Variants in DTNA observed in about 807,000 individuals in gnomAD.
The protein encoded by DTNA is dystrobrevin alpha, also known as dystrophin-related protein 3.
Under a neutral mutation model 100.7 loss-of-function variants are expected in DTNA, and 43 were observed. The observed-to-expected ratio is 0.43, with a 90% CI of 0.33 to 0.55. The LOEUF is 0.55. DTNA is among the 20% of genes least tolerant of loss of function. DTNA has a pLI of 0.04. For synonymous variants in DTNA, 349 were observed against 347.9 expected, an observed-to-expected ratio of 1.00 and a Z score of -0.04; for missense variants, 798 against 953.9, an observed-to-expected ratio of 0.84 and a Z score of 2.15.
At chr18:34,875,895 C>T (rs917625887) in intron 18 of DTNA, among the ~76,000 whole-genome samples, 2 of 152,184 alleles carry the variant, frequency 1.3e-5, no homozygotes, top group Non-Finnish European at 2.9e-5. Flanking sequence ...AGGGTTAAGC[C>T]TCTGCAGTTA....
chr18:34,866,593 T>G, intron 17 of DTNA: 1 of 1,011,870 alleles, frequency 9.9e-7, no homozygotes, highest in Non-Finnish European at 1.2e-6. Flanking sequence ...TTCATTTTAC[T>G]GAAAACCTGT....
chr18:34,665,877 A>T (rs2144753348), intron 1 of DTNA, among the ~76,000 whole-genome samples: 1 of 152,302 alleles, frequency 6.6e-6, no homozygotes, highest in South Asian at 2.1e-4. Flanking sequence ...GTGCTGCAAT[A>T]AACATACGTG....
In DTNA at chr18:34,532,371, C is replaced by G. The variant is rs1229548155; in HGVS notation, c.-2+38857C>G. On this transcript the variant is annotated intron_variant, in intron 1 of 19. Transcript: ENST00000283365. ...GAAAAAATGTGCTGGTGCTTGGGCT[C>G]TTTTGTGGAACTGTAAAAAGACAAG... Among the ~76,000 whole-genome samples the G allele has an allele frequency of 2.0e-5, 3 of 152,032 alleles. No homozygotes were observed. The East Asian group carries it at 5.8e-4, about 29-fold the overall frequency.
chr18:34,678,091 C>A (rs1353215208), intron 1 of DTNA, among the ~76,000 whole-genome samples: 1 of 152,094 alleles, frequency 6.6e-6, no homozygotes, highest in East Asian at 1.9e-4. Context: ...CCTATACTAT[C>A]ACAAGAACAG....
intron 1 of DTNA, among the ~76,000 whole-genome samples, chr18:34,524,762 TAA>T (rs202231288): frequency 2.8e-4 from 42 of 151,374 alleles, no homozygotes; most frequent in African/African-American, 1.0e-3. Context: ...GATTTTTTTT[TAA>T]AAAAAAGGTT....
chr18:34,864,289 C>A (rs1448430830), intron 17 of DTNA, among the ~76,000 whole-genome samples: 1 of 136,094 alleles, frequency 7.3e-6, no homozygotes, highest in African/African-American at 2.8e-5. Flanking sequence ...CTTGCTCTGT[C>A]GCCCAGGCTG....
intron 3 of DTNA, among the ~76,000 whole-genome samples, chr18:34,783,773 A>T (rs1244062218): frequency 1.3e-5 from 2 of 152,216 alleles, no homozygotes; most frequent in Non-Finnish European, 2.9e-5. Flanking sequence ...ACCCTGGAAA[A>T]GCATACCATT....
At chr18:34,692,112 C>T (rs1481786510) in intron 1 of DTNA, among the ~76,000 whole-genome samples, 2 of 152,152 alleles carry the variant, frequency 1.3e-5, no homozygotes, top group Non-Finnish European at 2.9e-5. Context: ...CTTTGAAGTT[C>T]CTATACCAAG....
chr18:34,590,369 A>G (rs995485432), intron 1 of DTNA, among the ~76,000 whole-genome samples: 2 of 152,220 alleles, frequency 1.3e-5, no homozygotes, highest in Non-Finnish European at 2.9e-5. Flanking sequence ...TAAAAAGTAT[A>G]TGCTTTTAAA....
At chr18:34,848,611 A>G (rs2096423001) in intron 14 of DTNA, among the ~76,000 whole-genome samples, 1 of 152,140 alleles carries the variant, frequency 6.6e-6, no homozygotes, top group African/African-American at 2.4e-5. Context: ...CCTGGAGTCA[A>G]GCTGGAATCC....
chr18:34,586,481 C>T (rs1055710000), intron 1 of DTNA, among the ~76,000 whole-genome samples: 1 of 152,044 alleles, frequency 6.6e-6, no homozygotes, highest in Non-Finnish European at 1.5e-5. Flanking sequence ...ATGAGTTCCT[C>T]ACCAGATGCA....
intron 8 of DTNA, among the ~76,000 whole-genome samples, chr18:34,819,875 C>T (rs1424742521): frequency 6.6e-6 from 1 of 151,862 alleles, no homozygotes; most frequent in South Asian, 2.1e-4. Context: ...CAATTATGGA[C>T]TCTAGGTATA....
In DTNA at chr18:34,889,105, ATCT is replaced by A. The variant is rs2096947804; in HGVS notation, c.*1375_*1377del. On this transcript the variant is annotated 3_prime_UTR_variant, in exon 23 of 23. Coordinates refer to ENST00000444659, the MANE Select transcript of DTNA (RefSeq NM_001386795.1). ...GAATTCTGGGGAAAAAGAAAAAGTA[ATCT>A]TCTACTTGCTTCAAGATTTGATTTT... 2.0e-6 allele frequency: 2 copies of A among 984,206 alleles called. No homozygotes were observed. Among genetic ancestry groups the A allele is most frequent in the Non-Finnish European group, 2.4e-6 (2 of 829,866 alleles). 61.0% of individuals were successfully genotyped at this position (984,206 alleles called of 1,614,324 possible).
Position 34,890,519 on chromosome 18 carries a change from A to T in DTNA, c.*2785A>T. The T allele has an allele frequency of 1.3e-6, 2 of 1,527,016 alleles. No individual in the cohort carries two copies. The highest frequency in any genetic ancestry group is 1.8e-6 in the Non-Finnish European group (2 of 1,140,740). The allele number at this position is 1,527,016 out of a possible 1,614,324, so 94.6% of individuals were successfully genotyped here. A position where few individuals can be genotyped will look rare whatever the true frequency, so the allele number is the denominator to read the frequency against. On this transcript the variant is annotated 3_prime_UTR_variant, in exon 23 of 23. Transcript: ENST00000444659. The stretch of plus-strand genomic sequence containing the variant: ...GCGGGGGTTGTTTCTTTCTTGTTCC[A>T]CAATGAATTGCACATCCATCTCCAT...
intron 2 of DTNA, among the ~76,000 whole-genome samples, chr18:34,761,190 G>A (rs2093145325): frequency 6.6e-6 from 1 of 150,862 alleles, no homozygotes; most frequent in African/African-American, 2.5e-5. Context: ...ATAAAGCGTG[G>A]CAGAGTTCAG....
In DTNA at chr18:34,642,281, T is replaced by C. The variant is rs550368827; in HGVS notation, c.-1-113695T>C. Among the ~76,000 whole-genome samples the C allele has an allele frequency of 3.9e-5, 6 of 152,240 alleles. No individual in the cohort carries two copies. In the East Asian group the frequency reaches 9.7e-4, roughly 25 times the overall value. On this transcript the variant is annotated intron_variant, in intron 1 of 19. Transcript: ENST00000283365. ...CTGCACTGGGGTCCCCCCTTAAAGG[T>C]TGCCCAACTGGAAGCTGGGTGTCTC...
chr18:34,568,098 T>C lies in DTNA; in HGVS notation c.-2+74584T>C, dbSNP rs183882857. On this transcript the variant is annotated intron_variant, in intron 1 of 19. Transcript: ENST00000283365. Reference sequence around the variant, plus strand: ...GCAATAGATTGGGAAATGAGACATATTCAGTATGAATCTGAGTCTTTGTTG... The same window carrying C: ...GCAATAGATTGGGAAATGAGACATACTCAGTATGAATCTGAGTCTTTGTTG... Among the ~76,000 whole-genome samples, 12 of 152,294 alleles carry C rather than the reference T, an allele frequency of 7.9e-5. No individual in the cohort carries two copies. In the East Asian group the frequency reaches 1.9e-3, roughly 24 times the overall value.
At chr18:34,498,325 T>TGGGAGGCTGAGGC (rs1227387220) in intron 1 of DTNA, among the ~76,000 whole-genome samples, 1 of 151,546 alleles carries the variant, frequency 6.6e-6, no homozygotes, top group African/African-American at 2.4e-5. Flanking sequence ...CCCAACTACT[T>TGGGAGGCTGAGGC]GGGAGGCTGA....
chr18:34,829,732 A>G (rs1165426201), intron 11 of DTNA, among the ~76,000 whole-genome samples: 1 of 152,216 alleles, frequency 6.6e-6, no homozygotes, highest in Non-Finnish European at 1.5e-5. Context: ...AGATGTATAT[A>G]TGTGAAATGT....
Sources: gnomAD v4.1 joint callset for allele counts (sites outside exome capture counted in the v4.1 genomes callset) on GRCh38, gnomAD v4.1.1 for gene constraint, MANE v1.5 for transcripts, NCBI Gene and HGNC (gene_info 2026-07-23, HGNC 2026-07-21) for gene names.